Variants in UBAP2L observed in about 807,000 individuals in gnomAD.
UBAP2L encodes the protein ubiquitin-associated protein 2-like.
In UBAP2L, 12 loss-of-function variants were observed where a neutral mutation model predicts 130.6. That is an observed-to-expected ratio of 0.09 (90% CI 0.06 to 0.15). The LOEUF is 0.15. Ranked by LOEUF, UBAP2L falls within the 10% of genes least tolerant of loss-of-function variation. The pLI, the probability that UBAP2L is intolerant of heterozygous loss-of-function variation, is 1.00. For missense variants in UBAP2L, 965 were observed against 1,332.5 expected (o/e 0.72, Z 4.29); for synonymous variants, 503 against 524.7 (o/e 0.96, Z 0.57).
At chr1:154,247,584 C>T (rs1282932028) in intron 11 of UBAP2L, among the ~76,000 whole-genome samples, 1 of 152,084 alleles carries the variant, frequency 6.6e-6, no homozygotes, top group Admixed American at 6.6e-5. Flanking sequence ...ATGTTTTCAG[C>T]TGGGGACAGT....
At position 154,268,897 on chromosome 1, in the gene UBAP2L, C is replaced by G; in HGVS notation, c.3111C>G (p.Thr1037=). The G allele has an allele frequency of 6.2e-7, 1 of 1,613,622 alleles. No homozygotes were observed. Among genetic ancestry groups the G allele is most frequent in the African/African-American group, 1.3e-5 (1 of 74,834 alleles). ...CTGCCCCCTTTATGCACATTCTGAC[C>G]CCCCATCAGCAGCCGCATTCTCAGA... is the stretch of plus-strand genomic sequence containing the variant. ...YPPAPFMHIL[T]PHQQPHSQIL... is the part of the protein sequence containing the mutation. The change falls in exon 26 of 27, where the codon ACC becomes ACG. Residue 1037 remains threonine (T), a synonymous_variant. Transcript: ENST00000428931.
intron 1 of UBAP2L, chr1:154,221,290 C>G (rs907891780): frequency 1.3e-5 from 2 of 152,892 alleles, no homozygotes; most frequent in Non-Finnish European, 2.9e-5. Flanking sequence ...GGAGCGTGGC[C>G]GGGGCGGGGC....
At chr1:154,259,672 G>A in intron 21 of UBAP2L, 1 of 520,654 alleles carries the variant, frequency 1.9e-6, no homozygotes, top group Non-Finnish European at 3.5e-6. Flanking sequence ...TGATAGGGAT[G>A]ACACCTAGAG....
intron 12 of UBAP2L, among the ~76,000 whole-genome samples, chr1:154,250,582 G>A (rs939156744): frequency 6.6e-5 from 10 of 152,138 alleles, no homozygotes; most frequent in South Asian, 2.1e-4. Context: ...GGCCAGGTGC[G>A]GCAGCTCATG....
intron 24 of UBAP2L, 65 bp from the exon 25 acceptor site, chr1:154,266,436 A>G (rs2149084503): frequency 6.5e-7 from 1 of 1,529,418 alleles, no homozygotes; most frequent in East Asian, 2.3e-5. Context: ...ATATCACCTC[A>G]TCTCAGGAAT....
At chr1:154,235,667 G>A (rs980690081) in intron 6 of UBAP2L, among the ~76,000 whole-genome samples, 2 of 152,074 alleles carry the variant, frequency 1.3e-5, no homozygotes, top group Non-Finnish European at 2.9e-5. Flanking sequence ...GCGTCACTAC[G>A]CCCAGCTAAT....
intron 1 of UBAP2L, among the ~76,000 whole-genome samples, chr1:154,223,114 C>A (rs925633102): frequency 1.1e-5 from 1 of 89,582 alleles, no homozygotes; most frequent in Non-Finnish European, 2.0e-5. Context: ...GTTGTCACTA[C>A]TAGGTGGTAA....
At chr1:154,233,651 C>CTGTGTG (rs61695071) in intron 4 of UBAP2L, among the ~76,000 whole-genome samples, 7,365 of 146,112 alleles carry the variant, frequency 0.05, 835 homozygotes, top group African/African-American at 0.17. Context: ...AATGAAATTG[C>CTGTGTG]TGTGTGTGTG....
chr1:154,254,653 A>C (rs1679012599), intron 15 of UBAP2L, 183 bp from the exon 16 acceptor site: 1 of 630,566 alleles, frequency 1.6e-6, no homozygotes, highest in Non-Finnish European at 2.7e-6. Flanking sequence ...TTTGTTGTTT[A>C]ATTTTTGTTC....
chr1:154,247,147 G>T (rs1337371628), intron 11 of UBAP2L, among the ~76,000 whole-genome samples: 1 of 152,120 alleles, frequency 6.6e-6, no homozygotes. Flanking sequence ...TACTAAAGTT[G>T]TAAGCAGACC....
At chr1:154,229,781 A>G (rs956344234) in intron 4 of UBAP2L, among the ~76,000 whole-genome samples, 13 of 152,182 alleles carry the variant, frequency 8.5e-5, no homozygotes, top group African/African-American at 2.9e-4. Context: ...TTATTTTGAA[A>G]TCATTTTCAT....
At chr1:154,220,452 C>G, upstream of UBAP2L, 2 of 1,611,738 alleles carry the variant, frequency 1.2e-6, no homozygotes, top group Non-Finnish European at 1.7e-6. Flanking sequence ...ACCCCGCTGT[C>G]CTGGCTGGTC....
chr1:154,225,583 C>T (rs1327433770), intron 2 of UBAP2L, among the ~76,000 whole-genome samples: 1 of 152,138 alleles, frequency 6.6e-6, no homozygotes, highest in Non-Finnish European at 1.5e-5. Flanking sequence ...GATCCTCCCG[C>T]CTCAGCCTCC....
chr1:154,270,335 G>A lies in UBAP2L; in HGVS notation c.*40G>A. ...TCTCCCGGTCCCATCTTCTGAGAGG[G>A]CTTCTCAGCCTGGAAACTATGGAAA... On this transcript the variant is annotated 3_prime_UTR_variant, in exon 27 of 27. Coordinates refer to ENST00000428931, the MANE Select transcript of UBAP2L (RefSeq NM_014847.4). 6.2e-7 allele frequency: 1 copy of A among 1,613,090 alleles called. No individual in the cohort carries two copies. Among genetic ancestry groups the A allele is most frequent in the South Asian group, 1.1e-5 (1 of 91,036 alleles).
chr1:154,269,469 C>A, intron 26 of UBAP2L: 1 of 1,270,882 alleles, frequency 7.9e-7, no homozygotes, highest in Non-Finnish European at 1.0e-6. Context: ...CCCCATTTCA[C>A]CTTCACAGCC....
At chr1:154,241,593 A>G in intron 9 of UBAP2L, 28 bp downstream of exon 9, 1 of 1,613,098 alleles carries the variant, frequency 6.2e-7, no homozygotes, top group Non-Finnish European at 8.5e-7. Context: ...ATTCCTCACT[A>G]ATGCCTTCTA....
At chr1:154,264,931 A>G (rs998930162) in intron 24 of UBAP2L, among the ~76,000 whole-genome samples, 1 of 152,154 alleles carries the variant, frequency 6.6e-6, no homozygotes, top group African/African-American at 2.4e-5. Flanking sequence ...CCTGTTACTC[A>G]GTGATTTGCC....
chr1:154,246,132 T>A lies in UBAP2L; in HGVS notation c.843-72T>A. ...AGCAAGTGGCTTCATTTTGATCTAA[T>A]CTGATTTGAGTGTTGGGGAATGTTA... is the stretch of plus-strand genomic sequence containing the variant. On this transcript the variant is annotated intron_variant, in intron 10 of 26. Transcript: ENST00000428931. 3 of 1,514,100 alleles carry A rather than the reference T, an allele frequency of 2.0e-6. No homozygotes were observed. In the East Asian group the frequency reaches 6.9e-5, roughly 35 times the overall value. 93.8% of individuals were successfully genotyped at this position (1,514,100 alleles called of 1,614,324 possible).
intron 25 of UBAP2L, among the ~76,000 whole-genome samples, chr1:154,266,932 G>C (rs1183392551): frequency 1.3e-5 from 2 of 152,038 alleles, no homozygotes; most frequent in Non-Finnish European, 2.9e-5. Context: ...CATTCTTTGA[G>C]TAAATCTATA....
Sources: allele counts gnomAD v4.1 joint callset (sites outside exome capture counted in the v4.1 genomes callset), GRCh38; gene constraint gnomAD v4.1.1; transcripts MANE v1.5; gene names NCBI Gene and HGNC (gene_info 2026-07-23, HGNC 2026-07-21).